RABEPK: variants seen among roughly 807,000 people sequenced by gnomAD.
RABEPK encodes 40 kDa Rab9 effector protein.
In RABEPK, 27 loss-of-function variants were observed where a neutral mutation model predicts 34.1. That is an observed-to-expected ratio of 0.79 (90% CI 0.58 to 1.09). RABEPK has a LOEUF of 1.09. Ranked by LOEUF, RABEPK falls within the 50% of genes least tolerant of loss-of-function variation. RABEPK has a pLI of 0.00. For synonymous variants in RABEPK, 172 were observed against 169.2 expected (o/e 1.02, Z -0.13); for missense variants, 449 against 462.6 (o/e 0.97, Z 0.27).
chr9:125,208,035 G>C (rs1302147546), intron 3 of RABEPK, among the ~76,000 whole-genome samples: 1 of 152,150 alleles, frequency 6.6e-6, no homozygotes, highest in Non-Finnish European at 1.5e-5. Context: ...GCTGAGACAG[G>C]AGAATTACTT....
Position 125,205,256 on chromosome 9 carries a change from A to G in RABEPK, c.53+2190A>G, listed in dbSNP as rs577602203. On this transcript the variant is annotated intron_variant, in intron 2 of 7. Transcript: ENST00000373538. ...CCTAAGACATGCATGTCCTCATACTATATATTCTGTACTCCTTTCTACCAC... is the reference window on the plus strand; with the variant it reads ...CCTAAGACATGCATGTCCTCATACTGTATATTCTGTACTCCTTTCTACCAC... Among the ~76,000 whole-genome samples the G allele has an allele frequency of 3.7e-4, 57 of 152,084 alleles. No individual in the cohort carries two copies. In the East Asian group the frequency reaches 0.011, roughly 29 times the overall value.
intron 5 of RABEPK, among the ~76,000 whole-genome samples, chr9:125,223,101 G>A (rs1208315299): frequency 6.6e-6 from 1 of 152,148 alleles, no homozygotes; most frequent in African/African-American, 2.4e-5. Context: ...CCAAGATGGT[G>A]AAACCCTGTC....
At chr9:125,232,523 C>G in intron 6 of RABEPK, 73 bp from the exon 7 acceptor site, 1 of 1,483,242 alleles carries the variant, frequency 6.7e-7, no homozygotes, top group East Asian at 2.3e-5. Flanking sequence ...GGTGTGCAAA[C>G]TACAGTAGAT....
At chr9:125,233,564 C>A in intron 7 of RABEPK, 124 bp from the exon 8 acceptor site, 1 of 953,672 alleles carries the variant, frequency 1.0e-6, no homozygotes, top group Non-Finnish European at 1.6e-6. Context: ...GGATGGTCTC[C>A]ATCTCCTGAC....
At chr9:125,204,457 C>T (rs1830093769) in intron 2 of RABEPK, among the ~76,000 whole-genome samples, 1 of 152,044 alleles carries the variant, frequency 6.6e-6, no homozygotes, top group Non-Finnish European at 1.5e-5. Context: ...TGGTGCATGC[C>T]TGTAATCCTG....
intron 2 of RABEPK, among the ~76,000 whole-genome samples, 174 bp from the exon 3 acceptor site, chr9:125,207,390 G>T (rs1299328659): frequency 6.6e-6 from 1 of 152,180 alleles, no homozygotes; most frequent in Non-Finnish European, 1.5e-5. Flanking sequence ...GCCAAAGACT[G>T]TGTGCAAAGG....
rs1038099623 is a variant in RABEPK at position 125,226,790 on chromosome 9, G to T, written c.527-1120G>T. ...GAGGCAGGAGAATTGCTTGAACCGG[G>T]GAGGCGGAGGTTACAGTAAGCCGAG... On this transcript the variant is annotated intron_variant, in intron 5 of 7. Coordinates refer to ENST00000373538, the MANE Select transcript of RABEPK (RefSeq NM_005833.4). Among the ~76,000 whole-genome samples, 10 of 152,006 alleles carry T rather than the reference G, an allele frequency of 6.6e-5. No homozygotes were observed. The East Asian group carries it at 1.7e-3, about 26-fold the overall frequency.
rs1474896687 is a variant in RABEPK at position 125,205,273 on chromosome 9, T to C, written c.53+2207T>C. On this transcript the variant is annotated intron_variant, in intron 2 of 7. Coordinates refer to ENST00000373538, the MANE Select transcript of RABEPK (RefSeq NM_005833.4). ...CTCATACTATATATTCTGTACTCCTTTCTACCACAATTGAAGTGAAACAGA... is the reference window on the plus strand; with the variant it reads ...CTCATACTATATATTCTGTACTCCTCTCTACCACAATTGAAGTGAAACAGA... Among the ~76,000 whole-genome samples the C allele has an allele frequency of 3.3e-5, 5 of 152,194 alleles. No homozygotes were observed. In the East Asian group the frequency reaches 9.6e-4, roughly 29 times the overall value.
intron 3 of RABEPK, among the ~76,000 whole-genome samples, chr9:125,210,737 C>T (rs769475604): frequency 2.7e-5 from 4 of 148,884 alleles, no homozygotes; most frequent in Non-Finnish European, 5.9e-5. Flanking sequence ...ATAAAAGAAA[C>T]GATTATTCTT....
chr9:125,210,839 G>GTTT (rs201607797), intron 3 of RABEPK, among the ~76,000 whole-genome samples: 1 of 135,476 alleles, frequency 7.4e-6, no homozygotes, highest in Non-Finnish European at 1.5e-5. Context: ...TTAATCTTAA[G>GTTT]TTTTGTTTTT....
chr9:125,224,202 CA>C (rs199760125), intron 5 of RABEPK, among the ~76,000 whole-genome samples: 1 of 84,938 alleles, frequency 1.2e-5, no homozygotes, highest in Non-Finnish European at 2.7e-5. Context: ...TCTCAAAAAA[CA>C]AAAACAAAAC....
chr9:125,211,758 A>T (rs966779742), intron 3 of RABEPK, among the ~76,000 whole-genome samples: 1 of 152,118 alleles, frequency 6.6e-6, no homozygotes, highest in South Asian at 2.1e-4. Context: ...ACTTGAGGTC[A>T]GGAGTTTGAG....
At chr9:125,204,693 T>C (rs1414540823) in intron 2 of RABEPK, among the ~76,000 whole-genome samples, 1 of 152,226 alleles carries the variant, frequency 6.6e-6, no homozygotes. Flanking sequence ...TTTGTTCTCT[T>C]TCTCTTCTTT....
chr9:125,227,187 A>G (rs1052529063), intron 5 of RABEPK, among the ~76,000 whole-genome samples: 2 of 152,010 alleles, frequency 1.3e-5, no homozygotes, highest in African/African-American at 4.8e-5. Flanking sequence ...TAATAATAAT[A>G]ATGATAATAA....
At chr9:125,214,711 T>C (rs1830808512) in intron 4 of RABEPK, among the ~76,000 whole-genome samples, 1 of 152,162 alleles carries the variant, frequency 6.6e-6, no homozygotes, top group Non-Finnish European at 1.5e-5. Flanking sequence ...ATGTTCATTG[T>C]AAAATATTTG....
At chr9:125,216,006 A>G (rs988225573) in intron 4 of RABEPK, among the ~76,000 whole-genome samples, 30 of 152,256 alleles carry the variant, frequency 2.0e-4, no homozygotes, top group Admixed American at 1.8e-3. Context: ...TTAAATATGC[A>G]TTTTGGGCCG....
chr9:125,232,514 G>A (rs1205541371), intron 6 of RABEPK, 82 bp from the exon 7 acceptor site: 6 of 1,415,910 alleles, frequency 4.2e-6, no homozygotes, highest in Non-Finnish European at 5.7e-6. Flanking sequence ...TCAGTGATTG[G>A]TGTGCAAACT....
chr9:125,232,748 G>A lies in RABEPK; in HGVS notation c.826+3G>A. 1 of 1,611,072 alleles carries A rather than the reference G, an allele frequency of 6.2e-7. No individual in the cohort carries two copies. The highest frequency in any genetic ancestry group is 1.1e-5 in the South Asian group (1 of 90,566). On this transcript the variant is annotated splice_donor_region_variant and intron_variant, in intron 7 of 7. Coordinates refer to ENST00000373538, the MANE Select transcript of RABEPK (RefSeq NM_005833.4). ...CACAATGTACCAGTATCACACAGGT[G>A]AGCAGGTGTCCATGGGGGATCTTTA... is the stretch of plus-strand genomic sequence containing the variant.
chr9:125,232,009 C>T (rs999610402), intron 6 of RABEPK, among the ~76,000 whole-genome samples: 1 of 149,312 alleles, frequency 6.7e-6, no homozygotes, highest in African/African-American at 2.5e-5. Flanking sequence ...AAGCGATTCT[C>T]ATGCCTCAGC....
Sources: gnomAD v4.1 joint callset for allele counts (sites outside exome capture counted in the v4.1 genomes callset) on GRCh38, gnomAD v4.1.1 for gene constraint, MANE v1.5 for transcripts, NCBI Gene and HGNC (gene_info 2026-07-23, HGNC 2026-07-21) for gene names.